Variants in LRMDA observed in about 807,000 individuals in gnomAD.
The protein encoded by LRMDA is leucine-rich melanocyte differentiation-associated protein.
Under a neutral mutation model 29.8 loss-of-function variants are expected in LRMDA, and 18 were observed. That is an observed-to-expected ratio of 0.60 (90% confidence interval 0.42 to 0.90). LRMDA has a LOEUF of 0.90. Among genes scored for constraint, LRMDA ranks in the 40% least tolerant of loss-of-function variants. LRMDA has a pLI of 0.00. For missense variants in LRMDA, 273 were observed against 273.9 expected, an observed-to-expected ratio of 1.00 and a Z score of 0.02; for synonymous variants, 125 against 109.4, an observed-to-expected ratio of 1.14 and a Z score of -0.89.
In LRMDA at chr10:75,794,087, C is replaced by T. The variant is rs865976002; in HGVS notation, c.132-241921C>T. ...AGCAGGCTGACTCCTACTTAAGGCA[C>T]TATGGTTTGGGGGCTATTTGTTACC... On this transcript the variant is annotated intron_variant, in intron 2 of 6. Transcript: ENST00000611255. Among the ~76,000 whole-genome samples the T allele has an allele frequency of 2.6e-5, 4 of 152,208 alleles. No homozygotes were observed. The South Asian group carries it at 8.3e-4, about 32-fold the overall frequency.
At chr10:76,435,390 T>G (rs559917863) in intron 6 of LRMDA, among the ~76,000 whole-genome samples, 1 of 152,330 alleles carries the variant, frequency 6.6e-6, no homozygotes, top group South Asian at 2.1e-4. Context: ...GACAGGCCAC[T>G]AGAGGCTGAT....
rs1418583666 is a variant in LRMDA at position 75,615,230 on chromosome 10, A to G, written c.131+176736A>G. On this transcript the variant is annotated intron_variant, in intron 2 of 6. Transcript: ENST00000611255. ...GCTCAAGATACTAATGTCTTTAAAA[A>G]TACCCATAGTGTTTTGTAAAATGTG... Among the ~76,000 whole-genome samples the G allele has an allele frequency of 2.6e-5, 4 of 152,360 alleles. No homozygotes were observed. The East Asian group carries it at 7.7e-4, about 29-fold the overall frequency.
chr10:76,398,277 C>A (rs550165641), intron 6 of LRMDA, among the ~76,000 whole-genome samples: 2 of 152,278 alleles, frequency 1.3e-5, no homozygotes, highest in South Asian at 4.1e-4. Flanking sequence ...CCCCCTCCCC[C>A]CAGCTCCCTC....
intron 2 of LRMDA, among the ~76,000 whole-genome samples, chr10:75,634,905 TAAA>T (rs1003361870): frequency 4.6e-5 from 7 of 151,994 alleles, no homozygotes; most frequent in Non-Finnish European, 8.8e-5. Context: ...AGGAAAACTA[TAAA>T]ACATTACTGA....
chr10:75,834,385 C>T (rs1844397171), intron 2 of LRMDA, among the ~76,000 whole-genome samples: 1 of 152,118 alleles, frequency 6.6e-6, no homozygotes, highest in Admixed American at 6.5e-5. Context: ...AGTTATTTGC[C>T]AAAGGTTGTT....
intron 2 of LRMDA, among the ~76,000 whole-genome samples, chr10:75,884,245 T>G (rs929340427): frequency 1.8e-5 from 2 of 109,570 alleles, no homozygotes; most frequent in African/African-American, 3.6e-5. Flanking sequence ...GCAGGCGACT[T>G]TGTGTGTGTG....
At chr10:76,210,318 A>G (rs545481097) in intron 5 of LRMDA, among the ~76,000 whole-genome samples, 19 of 152,332 alleles carry the variant, frequency 1.2e-4, no homozygotes, top group Non-Finnish European at 2.5e-4. Flanking sequence ...TAATGATTGC[A>G]TTCGAATTAA....
chr10:76,373,470 T>A (rs557875888), intron 6 of LRMDA, among the ~76,000 whole-genome samples: 3 of 152,282 alleles, frequency 2.0e-5, no homozygotes, highest in African/African-American at 7.2e-5. Flanking sequence ...TGTAGTATCC[T>A]GGTATTCTGT....
At chr10:76,324,532 A>G (rs757418537) in intron 6 of LRMDA, 47 bp downstream of exon 6, 3 of 1,551,530 alleles carry the variant, frequency 1.9e-6, no homozygotes, top group Admixed American at 3.3e-5. Flanking sequence ...AGGGAGGGAC[A>G]CTTGGCTGTG....
chr10:75,432,451 G>A (rs1844211000), intron 1 of LRMDA, among the ~76,000 whole-genome samples: 1 of 152,236 alleles, frequency 6.6e-6, no homozygotes, highest in South Asian at 2.1e-4. Context: ...TTTGAGCTCT[G>A]TAGTGAAGCC....
intron 5 of LRMDA, among the ~76,000 whole-genome samples, chr10:76,271,075 G>A (rs955647023): frequency 6.6e-6 from 1 of 152,156 alleles, no homozygotes; most frequent in African/African-American, 2.4e-5. Context: ...CAAATCTATA[G>A]TGACCTCTTG....
At chr10:75,931,266 G>A (rs538971052) in intron 2 of LRMDA, among the ~76,000 whole-genome samples, 1 of 152,212 alleles carries the variant, frequency 6.6e-6, no homozygotes. Flanking sequence ...AGTGTCAGAA[G>A]TCAGTCAACT....
chr10:76,294,029 C>T (rs1840382204), intron 5 of LRMDA, among the ~76,000 whole-genome samples: 1 of 152,222 alleles, frequency 6.6e-6, no homozygotes, highest in Admixed American at 6.5e-5. Context: ...ACAGTAAATA[C>T]ACTTTCCCAC....
chr10:75,496,580 T>C (rs1389037288), intron 2 of LRMDA, among the ~76,000 whole-genome samples: 2 of 152,232 alleles, frequency 1.3e-5, no homozygotes, highest in African/African-American at 4.8e-5. Flanking sequence ...GAGATGTTTT[T>C]CAGGAACACA....
At chr10:76,327,941 G>A (rs1840856662) in intron 6 of LRMDA, among the ~76,000 whole-genome samples, 2 of 152,216 alleles carry the variant, frequency 1.3e-5, no homozygotes, top group Non-Finnish European at 1.5e-5. Flanking sequence ...CGGTTTGACG[G>A]TAGGGAAGGG....
chr10:75,688,461 G>C (rs1376869690), intron 2 of LRMDA, among the ~76,000 whole-genome samples: 1 of 152,220 alleles, frequency 6.6e-6, no homozygotes, highest in Non-Finnish European at 1.5e-5. Flanking sequence ...AGCTGGGACT[G>C]AATTGCTGCA....
rs1589297620 is a variant in LRMDA at position 76,036,020 on chromosome 10, A to C, written c.144A>C (p.Gly48=). Residue 48 remains glycine, a synonymous_variant, in exon 3 of 7, where the codon GGA becomes GGC. Coordinates refer to ENST00000611255, the MANE Select transcript of LRMDA (RefSeq NM_001305581.2). The part of the protein sequence containing the change: ...LSFNLLRSLE[G]LSAFRSLEEL... ...TTTGTCATTGCAGGTCACTGGAAGG[A>C]CTGAGCGCATTCAGGAGCCTGGAGG... 2 of 1,614,022 alleles carry C rather than the reference A, an allele frequency of 1.2e-6. No homozygotes were observed. Among genetic ancestry groups the C allele is most frequent in the Non-Finnish European group, 1.7e-6 (2 of 1,179,988 alleles).
intron 5 of LRMDA, among the ~76,000 whole-genome samples, chr10:76,223,261 TATA>T (rs939984187): frequency 2.6e-5 from 4 of 151,608 alleles, no homozygotes; most frequent in East Asian, 1.9e-4. Flanking sequence ...AAACTTAAAG[TATA>T]ATAATAATAA....
At chr10:75,965,667 C>G (rs956247238) in intron 2 of LRMDA, among the ~76,000 whole-genome samples, 4 of 152,106 alleles carry the variant, frequency 2.6e-5, no homozygotes, top group Non-Finnish European at 4.4e-5. Context: ...AGTTTCCTTT[C>G]TCTTCTTTTC....
Sources: allele counts gnomAD v4.1 joint callset (sites outside exome capture counted in the v4.1 genomes callset), GRCh38; gene constraint gnomAD v4.1.1; transcripts MANE v1.5; gene names NCBI Gene and HGNC (gene_info 2026-07-23, HGNC 2026-07-21).